Variants in CC2D2A observed in about 807,000 individuals in gnomAD.
CC2D2A encodes coiled-coil and C2 domain-containing protein 2A.
A neutral mutation model predicts 212.9 loss-of-function variants in CC2D2A; 155 were observed. That is an observed-to-expected ratio of 0.73 (90% CI 0.64 to 0.83). CC2D2A has a LOEUF of 0.83. CC2D2A is among the 40% of genes least tolerant of loss of function. The pLI is 0.00. For missense variants in CC2D2A, 1,856 were observed against 1,956.2 expected (o/e 0.95, Z 0.97); for synonymous variants, 667 against 686.5 (o/e 0.97, Z 0.44).
At position 15,528,683 on chromosome 4, in the gene CC2D2A, G is replaced by C. The variant is rs779330548; in HGVS notation, c.1423G>C (p.Asp475His). ...TCCAGAAAAACCTCATCAGTCTCTCGATACCATCCAAAAAACCATCAATGA... is the reference window on the plus strand; with the variant it reads ...TCCAGAAAAACCTCATCAGTCTCTCCATACCATCCAAAAAACCATCAATGA... ...LDPEKPHQSL[D>H]TIQKTINEYK... The change falls in exon 13 of 37, where the codon GAT becomes CAT. Residue 475 changes from aspartate to histidine, a missense_variant. Physicochemically the swap from Asp to His is moderately conservative, Grantham distance 81 (BLOSUM62 -1). Coordinates refer to ENST00000424120, the MANE Select transcript of CC2D2A (RefSeq NM_001378615.1). The C allele has an allele frequency of 1.2e-6, 2 of 1,613,224 alleles. No individual in the cohort carries two copies. Among genetic ancestry groups the C allele is most frequent in the African/African-American group, 1.3e-5 (1 of 74,896 alleles).
At position 15,540,159 on chromosome 4, in the gene CC2D2A, A is replaced by C. The variant is rs115094251; in HGVS notation, c.2004-678A>C. ...CCAAAAAAAACCTAAGCTTGTTTCA[A>C]ATTTTGATGCCCTAACCTTTTCCTT... On this transcript the variant is annotated intron_variant, in intron 16 of 36. Transcript: ENST00000424120. 2.9e-3 allele frequency among the ~76,000 whole-genome samples: 443 copies of C among 152,326 alleles called. 1 individual carries two copies. Among genetic ancestry groups the C allele is most frequent in the African/African-American group, 0.01 (420 of 41,576 alleles).
At chr4:15,572,168 G>A (rs139364192) in intron 28 of CC2D2A, among the ~76,000 whole-genome samples, 18 of 152,098 alleles carry the variant, frequency 1.2e-4, no homozygotes, top group Middle Eastern at 3.4e-3. Context: ...TGTTATTGCC[G>A]GGTAGTTTAT....
chr4:15,583,646 G>A (rs1228147754), intron 30 of CC2D2A, among the ~76,000 whole-genome samples: 3 of 152,126 alleles, frequency 2.0e-5, no homozygotes, highest in Non-Finnish European at 2.9e-5. Context: ...AAAGATCTCT[G>A]CAATGAAAAT....
chr4:15,503,505 T>G (rs866665726), intron 6 of CC2D2A, among the ~76,000 whole-genome samples: 1 of 152,038 alleles, frequency 6.6e-6, no homozygotes, highest in South Asian at 2.1e-4. Flanking sequence ...TGTGGAAGAG[T>G]TGGGATTTGA....
chr4:15,494,432 C>G (rs1311738760), intron 4 of CC2D2A, among the ~76,000 whole-genome samples: 1 of 152,192 alleles, frequency 6.6e-6, no homozygotes, highest in Non-Finnish European at 1.5e-5. Context: ...AGAGAAGTCC[C>G]TCCAGAGCAC....
At chr4:15,563,003 C>T (rs565024002) in intron 23 of CC2D2A, among the ~76,000 whole-genome samples, 2 of 152,180 alleles carry the variant, frequency 1.3e-5, no homozygotes, top group Non-Finnish European at 2.9e-5. Context: ...AAGGAAGATG[C>T]AGGGAGGCAT....
chr4:15,535,359 C>G lies in CC2D2A; in HGVS notation c.1608-1561C>G, dbSNP rs1718070271. On this transcript the variant is annotated intron_variant, in intron 14 of 36. Transcript: ENST00000424120. ...CTGCTAACTCTCCCTCCATCCCTCC[C>G]CTCCTTCTTTTTGAGTTTATAGGGT... Among the ~76,000 whole-genome samples the G allele has an allele frequency of 2.0e-5, 3 of 152,086 alleles. No homozygotes were observed. In the South Asian group the frequency reaches 6.2e-4, roughly 32 times the overall value.
chr4:15,544,829 T>G (rs1421460907), intron 17 of CC2D2A, among the ~76,000 whole-genome samples: 1 of 152,188 alleles, frequency 6.6e-6, no homozygotes, highest in Admixed American at 6.5e-5. Flanking sequence ...AAATAATTTT[T>G]GAAAAACCAA....
rs1327419088 is a variant in CC2D2A at position 15,574,282 on chromosome 4, A to G, written c.3727A>G (p.Thr1243Ala). 1 of 1,551,322 alleles carries G rather than the reference A, an allele frequency of 6.4e-7. No individual in the cohort carries two copies. Among genetic ancestry groups the G allele is most frequent in the Non-Finnish European group, 8.7e-7 (1 of 1,146,864 alleles). The change falls in exon 29 of 37, where the codon ACC (threonine) becomes GCC (alanine). Residue 1243 changes from threonine to alanine, a missense_variant. Coordinates refer to ENST00000424120, the MANE Select transcript of CC2D2A (RefSeq NM_001378615.1). ...AGGCTCCTACATTACCCTCTTTATT[A>G]CCATTGAGCCCCAGCTGGTTCCTGG... ...SEGSYITLFITIEPQLVPGES... is the reference protein window; with the variant it reads ...SEGSYITLFIAIEPQLVPGES...
intron 24 of CC2D2A, among the ~76,000 whole-genome samples, chr4:15,566,632 G>A (rs1560186238): frequency 6.6e-6 from 1 of 152,146 alleles, no homozygotes; most frequent in South Asian, 2.1e-4. Flanking sequence ...GCATAAGGGA[G>A]AATGTTTGTC....
chr4:15,599,933 G>T (rs1017743513), intron 36 of CC2D2A, among the ~76,000 whole-genome samples: 1 of 152,024 alleles, frequency 6.6e-6, no homozygotes, highest in Non-Finnish European at 1.5e-5. Flanking sequence ...TACCTTTTAT[G>T]AAATACATTT....
chr4:15,479,434 G>A (rs986118639), intron 3 of CC2D2A: 40 of 944,578 alleles, frequency 4.2e-5, no homozygotes, highest in Middle Eastern at 2.2e-4. Flanking sequence ...GGGGAGGGAG[G>A]GGAGAGAAGC....
intron 23 of CC2D2A, chr4:15,561,690 T>C (rs147491993): frequency 2.0e-5 from 3 of 152,360 alleles, no homozygotes; most frequent in East Asian, 3.9e-4. Flanking sequence ...GGTGCTCCCA[T>C]GCTGACTGCT....
chr4:15,560,721 T>C (rs996676442), intron 23 of CC2D2A, 99 bp downstream of exon 23: 5 of 588,434 alleles, frequency 8.5e-6, no homozygotes, highest in Admixed American at 7.0e-5. Flanking sequence ...AAAATCATCG[T>C]ATGGTATGCA....
At chr4:15,568,808 C>T (rs914688966) in intron 26 of CC2D2A, among the ~76,000 whole-genome samples, 1 of 152,150 alleles carries the variant, frequency 6.6e-6, no homozygotes, top group Non-Finnish European at 1.5e-5. Flanking sequence ...CCCTGTATTG[C>T]TTTACTTATA....
At chr4:15,479,615 C>A (rs901283866) in intron 3 of CC2D2A, among the ~76,000 whole-genome samples, 13 of 152,094 alleles carry the variant, frequency 8.5e-5, no homozygotes, top group African/African-American at 3.1e-4. Flanking sequence ...AAGGGAGGGT[C>A]CAGGTGGTTG....
intron 4 of CC2D2A, among the ~76,000 whole-genome samples, chr4:15,490,737 T>TA (rs930931785): frequency 5.3e-5 from 8 of 151,900 alleles, no homozygotes; most frequent in Admixed American, 5.3e-4. Context: ...AAAGAAAAAG[T>TA]AAAAACTAAA....
At chr4:15,574,603 A>T (rs1240535391) in intron 29 of CC2D2A, among the ~76,000 whole-genome samples, 1 of 152,238 alleles carries the variant, frequency 6.6e-6, no homozygotes, top group Non-Finnish European at 1.5e-5. Flanking sequence ...AGACAAATAT[A>T]AACATGCTCT....
Position 15,550,827 on chromosome 4 carries a change from T to G in CC2D2A, c.2185T>G (p.Tyr729Asp). ...NWPESLTLQV[Y>D]ETVGHSSPTL... ...ATTTCTCTTCTCTGGTTTTCAGGTC[T>G]ATGAAACTGTCGGACACAGTAGTCC... is the stretch of plus-strand genomic sequence containing the variant. Residue 729 changes from tyrosine to aspartate, a missense_variant, in exon 18 of 37, where the codon TAT becomes GAT. By Grantham distance (160) the Tyr-to-Asp change is radical. This residue lies in a region of CC2D2A where 1,512 missense variants were observed against 1,579.3 expected (regional missense o/e 0.96). Transcript: ENST00000424120. The G allele has an allele frequency of 6.4e-7, 1 of 1,560,198 alleles. No individual in the cohort carries two copies. Among genetic ancestry groups the G allele is most frequent in the African/African-American group, 1.3e-5 (1 of 74,302 alleles).
Sources: allele counts gnomAD v4.1 joint callset (sites outside exome capture counted in the v4.1 genomes callset), GRCh38; gene constraint gnomAD v4.1.1; regional missense constraint gnomAD v4.1.1; transcripts MANE v1.5; gene names NCBI Gene and HGNC (gene_info 2026-07-23, HGNC 2026-07-21).